The following SIAE variants were observed in gnomAD, a reference collection of about 807,000 sequenced individuals.
The protein encoded by SIAE is sialate O-acetylesterase.
Under a neutral mutation model 52.6 loss-of-function variants are expected in SIAE, and 39 were observed. That is an observed-to-expected ratio of 0.74 (90% confidence interval 0.57 to 0.97). The LOEUF (loss-of-function observed/expected upper bound fraction) is 0.97. Among genes scored for constraint, SIAE ranks in the 50% least tolerant of loss-of-function variants. SIAE has a pLI of 0.00. For synonymous variants in SIAE, 233 were observed against 241.4 expected (o/e 0.97, Z 0.32); for missense variants, 592 against 662.1 (o/e 0.89, Z 1.16).
intron 7 of SIAE, 22 bp from the exon 8 acceptor site, chr11:124,639,889 A>G (rs760272159): frequency 3.1e-6 from 5 of 1,613,038 alleles, no homozygotes; most frequent in Non-Finnish European, 4.2e-6. Flanking sequence ...AGACATTGCT[A>G]ATTTTATTGT....
intron 1 of SIAE, 126 bp downstream of exon 1, chr11:124,673,516 T>C (rs1049365994): frequency 1.1e-5 from 13 of 1,160,578 alleles, no homozygotes; most frequent in Non-Finnish European, 1.5e-5. Flanking sequence ...CGCGAGCCCC[T>C]AGCCTAGCTA....
chr11:124,675,688 G>A, upstream of SIAE: 1 of 280,458 alleles, frequency 3.6e-6, no homozygotes. Flanking sequence ...CTGCAAAAGA[G>A]CATACATTTC....
intron 2 of SIAE, among the ~76,000 whole-genome samples, chr11:124,662,481 T>A (rs371064349): frequency 1.3e-5 from 2 of 152,228 alleles, no homozygotes; most frequent in Non-Finnish European, 2.9e-5. Flanking sequence ...TCTATTGCTA[T>A]ACAATTTATT....
At chr11:124,644,558 A>C (rs1424707464) in intron 7 of SIAE, among the ~76,000 whole-genome samples, 1 of 152,150 alleles carries the variant, frequency 6.6e-6, no homozygotes, top group Non-Finnish European at 1.5e-5. Flanking sequence ...CTGTTTTCCT[A>C]ATCTGAGATA....
chr11:124,676,123 T>C (rs1448710169), upstream of SIAE: 1 of 152,260 alleles, frequency 6.6e-6, no homozygotes, highest in African/African-American at 2.4e-5. Context: ...GGTTTATGAC[T>C]GTCAGGACTT....
At chr11:124,649,193 C>T (rs1412502301) in intron 5 of SIAE, among the ~76,000 whole-genome samples, 1 of 152,066 alleles carries the variant, frequency 6.6e-6, no homozygotes. Context: ...GACACTGAAG[C>T]CAGACTTGCC....
chr11:124,666,182 C>T (rs1943271533), intron 2 of SIAE, among the ~76,000 whole-genome samples: 1 of 152,162 alleles, frequency 6.6e-6, no homozygotes. Flanking sequence ...GGACAAAAAC[C>T]TTTATGCTGT....
chr11:124,637,244 G>C (rs910537807), intron 9 of SIAE, 42 bp from the exon 10 acceptor site: 5 of 1,613,298 alleles, frequency 3.1e-6, no homozygotes, highest in Non-Finnish European at 4.2e-6. Flanking sequence ...AGGTCAGAAG[G>C]GTCTTCCAAG....
chr11:124,666,098 C>A (rs1246478639), intron 2 of SIAE, among the ~76,000 whole-genome samples: 1 of 152,168 alleles, frequency 6.6e-6, no homozygotes, highest in Non-Finnish European at 1.5e-5. Context: ...TCGTTTGAAC[C>A]AACCCAGTAC....
intron 7 of SIAE, among the ~76,000 whole-genome samples, chr11:124,646,886 A>G (rs1332557878): frequency 6.6e-6 from 1 of 152,266 alleles, no homozygotes; most frequent in Non-Finnish European, 1.5e-5. Flanking sequence ...TTCAGGCTCT[A>G]CAATCATTAC....
rs766691334 is a variant in SIAE at position 124,644,351 on chromosome 11, G to GAAAAAAAAAAAAAA, written c.966+3013_966+3014insTTTTTTTTTTTTTT. 2.1e-3 allele frequency among the ~76,000 whole-genome samples: 210 copies of GAAAAAAAAAAAAAA among 98,936 alleles called. 11 individuals carry two copies. Among genetic ancestry groups the GAAAAAAAAAAAAAA allele is most frequent in the African/African-American group, 8.0e-3 (201 of 25,124 alleles). The allele number at this position is 98,936 out of a possible 152,430, so 64.9% of individuals were successfully genotyped here. ...AACGCCACAGGAAAGAGTCTGTGGT[G>GAAAAAAAAAAAAAA]AGAAAAAAAAAAAAAAAAAAAAACT... On this transcript the variant is annotated intron_variant, in intron 7 of 9. Coordinates refer to ENST00000263593, the MANE Select transcript of SIAE (RefSeq NM_170601.5).
At position 124,634,411 on chromosome 11, in the gene SIAE, A is replaced by G. The variant is rs1942676771; in HGVS notation, c.*2540T>C. 6.6e-6 allele frequency: 1 copy of G among 151,954 alleles called. No individual in the cohort carries two copies. The highest frequency in any genetic ancestry group is 2.4e-5 in the African/African-American group (1 of 41,182). The allele number at this position is 151,954 out of a possible 1,614,324, so 9.4% of individuals were successfully genotyped here. A position where few individuals can be genotyped will look rare whatever the true frequency, so the allele number is the denominator to read the frequency against. On this transcript the variant is annotated 3_prime_UTR_variant, in exon 10 of 10. Coordinates refer to ENST00000263593, the MANE Select transcript of SIAE (RefSeq NM_170601.5). ...TATCTTTTCATCTATCAGATTGTTA[A>G]GGATTTTTTTTAAATTTGACAACAT...
upstream of SIAE, chr11:124,673,823 G>T (rs1943415688): frequency 5.8e-6 from 7 of 1,201,480 alleles, no homozygotes. Flanking sequence ...AGCCTCCCGC[G>T]ACCTCAGGAC....
intron 1 of SIAE, among the ~76,000 whole-genome samples, chr11:124,671,502 T>C (rs528221877): frequency 2.0e-5 from 3 of 152,292 alleles, no homozygotes; most frequent in Admixed American, 1.3e-4. Flanking sequence ...TCACACAGTT[T>C]ATGACAAGTT....
rs983195481 is a variant in SIAE, at chr11:124,670,694, C to T, written c.68-1173G>A. Reference sequence around the variant, plus strand: ...AGCTAATGGAGTCGCCTACACAGCTCCGTGGCCTATTTATCCTGCTCTTGG... The same window carrying T: ...AGCTAATGGAGTCGCCTACACAGCTTCGTGGCCTATTTATCCTGCTCTTGG... On this transcript the variant is annotated intron_variant, in intron 1 of 9. Transcript: ENST00000263593. The surrounding 1 kb of genome is among the most constrained non-coding windows in gnomAD (Gnocchi z 4.5). Among the ~76,000 whole-genome samples the T allele has an allele frequency of 6.6e-6, 1 of 152,204 alleles. No homozygotes were observed. The highest frequency in any genetic ancestry group is 2.4e-5 in the African/African-American group (1 of 41,456).
In SIAE at chr11:124,654,769, A is replaced by C; in HGVS notation, c.430T>G (p.Ser144Ala). The C allele has an allele frequency of 6.2e-7, 1 of 1,613,994 alleles. No homozygotes were observed. The highest frequency in any genetic ancestry group is 8.5e-7 in the Non-Finnish European group (1 of 1,180,026). Residue 144 changes from serine (S) to alanine (A), a missense_variant, in exon 4 of 10, where the codon TCT (serine) becomes GCT (alanine). Physicochemically the swap from Ser to Ala is moderately conservative, Grantham distance 99. Transcript: ENST00000263593. ...LQIFNATREL[S>A]NTAAYQSVRI... ...ACAGACTGATATGCCGCAGTGTTAG[A>C]CAACTCCCTTGTAGCATTAAATATC...
chr11:124,633,360 A>G lies in SIAE; in HGVS notation c.*3591T>C, dbSNP rs1942652976. 1 of 152,220 alleles carries G rather than the reference A, an allele frequency of 6.6e-6. No individual in the cohort carries two copies. 9.4% of individuals were successfully genotyped at this position (152,220 alleles called of 1,614,324 possible). A position where few individuals can be genotyped will look rare whatever the true frequency, so the allele number is the denominator to read the frequency against. Reference sequence around the variant, plus strand: ...GTTTACTCTATCACCTAACACCTCAACACTACCTGTGGGATGCCTTAGTTA... The same window carrying G: ...GTTTACTCTATCACCTAACACCTCAGCACTACCTGTGGGATGCCTTAGTTA... On this transcript the variant is annotated 3_prime_UTR_variant, in exon 10 of 10. Coordinates refer to ENST00000263593, the MANE Select transcript of SIAE (RefSeq NM_170601.5).
At chr11:124,658,405 T>C (rs991372321) in intron 3 of SIAE, among the ~76,000 whole-genome samples, 3 of 152,076 alleles carry the variant, frequency 2.0e-5, no homozygotes, top group African/African-American at 7.2e-5. Flanking sequence ...GAATCTTTTG[T>C]TGGAATGTGG....
At chr11:124,642,326 C>T (rs1733099009) in intron 7 of SIAE, among the ~76,000 whole-genome samples, 1 of 152,192 alleles carries the variant, frequency 6.6e-6, no homozygotes, top group Non-Finnish European at 1.5e-5. Flanking sequence ...ATGCTTTTAA[C>T]AAATATTTAC....
Sources: gnomAD v4.1 joint callset for allele counts (sites outside exome capture counted in the v4.1 genomes callset) on GRCh38, gnomAD v4.1.1 for gene constraint, Gnocchi (gnomAD v3.1) non-coding constraint, MANE v1.5 for transcripts, NCBI Gene and HGNC (gene_info 2026-07-23, HGNC 2026-07-21) for gene names.